The following PREX2 variants were observed in gnomAD, a reference collection of about 807,000 sequenced individuals.
The protein encoded by PREX2 is phosphatidylinositol 3,4,5-trisphosphate-dependent Rac exchanger 2 protein.
A neutral mutation model predicts 203.2 loss-of-function variants in PREX2; 107 were observed. The observed-to-expected ratio is 0.53, with a 90% CI of 0.45 to 0.62. The LOEUF is 0.62. Ranked by LOEUF, PREX2 falls within the 20% of genes least tolerant of loss-of-function variation. The pLI, the probability that PREX2 is intolerant of heterozygous loss-of-function variation, is 0.00. For synonymous variants in PREX2, 672 were observed against 663.6 expected (o/e 1.01, Z -0.19); for missense variants, 1,777 against 1,955.9 (o/e 0.91, Z 1.72).
chr8:68,134,466 C>T (rs920599362), intron 32 of PREX2, among the ~76,000 whole-genome samples, 190 bp downstream of exon 32: 1 of 152,152 alleles, frequency 6.6e-6, no homozygotes, highest in African/African-American at 2.4e-5. Context: ...TGTATTCCTT[C>T]TTTCCTGATT....
In PREX2 at chr8:68,227,327, G is replaced by A. The variant is rs568986246; in HGVS notation, c.4775+2701G>A. Among the ~76,000 whole-genome samples the A allele has an allele frequency of 4.6e-5, 7 of 152,292 alleles. No individual in the cohort carries two copies. In the South Asian group the frequency reaches 1.2e-3, roughly 27 times the overall value. On this transcript the variant is annotated intron_variant, in intron 39 of 39. Coordinates refer to ENST00000288368, the MANE Select transcript of PREX2 (RefSeq NM_024870.4). ...AGTTTAGGGAAAAGGAAGATTCTAG[G>A]ATGACCACCAAATCTTTGGCTTGGA... is the stretch of plus-strand genomic sequence containing the variant.
intron 35 of PREX2, among the ~76,000 whole-genome samples, chr8:68,187,605 A>G (rs935281584): frequency 1.3e-5 from 2 of 152,198 alleles, no homozygotes; most frequent in African/African-American, 2.4e-5. Context: ...CAGGCTAAAT[A>G]ATTTGACTGT....
intron 35 of PREX2, among the ~76,000 whole-genome samples, chr8:68,190,627 A>T (rs1424341323): frequency 6.6e-6 from 1 of 152,066 alleles, no homozygotes; most frequent in Non-Finnish European, 1.5e-5. Flanking sequence ...ATGAGGGTTG[A>T]AAACTTACCT....
At chr8:68,136,586 G>C (rs1313566446) in intron 32 of PREX2, among the ~76,000 whole-genome samples, 1 of 152,152 alleles carries the variant, frequency 6.6e-6, no homozygotes, top group Non-Finnish European at 1.5e-5. Flanking sequence ...GTGAATTTCT[G>C]TCTACCGGAA....
Position 68,109,279 on chromosome 8 carries a change from C to T in PREX2, c.2939-137C>T, listed in dbSNP as rs140152473. On this transcript the variant is annotated intron_variant, in intron 24 of 39. Transcript: ENST00000288368. ...TTAGTCATTGCATAATGCATATATA[C>T]GTCAAAACATCAGGTTGTACATGTA... 169 of 637,554 alleles carry T rather than the reference C, an allele frequency of 2.7e-4. 1 individual carries two copies. Among genetic ancestry groups the T allele is most frequent in the East Asian group, 2.3e-3 (83 of 36,350 alleles). The allele number at this position is 637,554 out of a possible 1,614,324, so 39.5% of individuals were successfully genotyped here.
intron 15 of PREX2, among the ~76,000 whole-genome samples, chr8:68,079,175 A>G (rs1047619387): frequency 6.6e-6 from 1 of 152,140 alleles, no homozygotes; most frequent in Admixed American, 6.5e-5. Context: ...TAAAATAGTA[A>G]CAATAAAATA....
intron 34 of PREX2, among the ~76,000 whole-genome samples, chr8:68,150,644 C>G (rs545756690): frequency 2.9e-4 from 44 of 152,168 alleles, no homozygotes; most frequent in Non-Finnish European, 5.6e-4. Flanking sequence ...GGTGGAGCAG[C>G]TTTGCCAAGG....
At chr8:67,955,170 A>AAAAAAAAAAT (rs1554556251) in intron 1 of PREX2, among the ~76,000 whole-genome samples, 1 of 139,410 alleles carries the variant, frequency 7.2e-6, no homozygotes, top group African/African-American at 2.7e-5. Flanking sequence ...AAAAAAAAAA[A>AAAAAAAAAAT]AGAAATCATA....
chr8:68,060,758 G>A lies in PREX2; in HGVS notation c.1318G>A (p.Glu440Lys). Reference sequence around the variant, plus strand: ...CGTGCACTTGGGACAAGCATTATTAGAAAATGGAATCATTCACCATGGTAA... The same window carrying A: ...CGTGCACTTGGGACAAGCATTATTAAAAAATGGAATCATTCACCATGGTAA... ...EGVHLGQALL[E>K]NGIIHHVTDK... The change falls in exon 11 of 40, where the codon GAA becomes AAA. Residue 440 changes from glutamate to lysine, a missense_variant. By Grantham distance (56) the Glu-to-Lys change is moderately conservative (BLOSUM62 1). Coordinates refer to ENST00000288368, the MANE Select transcript of PREX2 (RefSeq NM_024870.4). 1 of 1,607,592 alleles carries A rather than the reference G, an allele frequency of 6.2e-7. No homozygotes were observed.
intron 35 of PREX2, among the ~76,000 whole-genome samples, chr8:68,169,823 T>A (rs1482702715): frequency 6.6e-6 from 1 of 152,152 alleles, no homozygotes; most frequent in Non-Finnish European, 1.5e-5. Flanking sequence ...CTGATTCCGT[T>A]CCATCAGGTA....
intron 1 of PREX2, among the ~76,000 whole-genome samples, chr8:68,008,466 A>G (rs1331547906): frequency 2.0e-5 from 3 of 152,186 alleles, no homozygotes; most frequent in African/African-American, 7.2e-5. Flanking sequence ...TGAGTCAGAA[A>G]GGGCCATAGG....
rs551400465 is a variant in PREX2, at chr8:68,190,381, G to A, written c.4347-1341G>A. On this transcript the variant is annotated intron_variant, in intron 35 of 39. Coordinates refer to ENST00000288368, the MANE Select transcript of PREX2 (RefSeq NM_024870.4). ...GCCATTGAACTGTATGCTTGAGAAT[G>A]CTCAAAACGGCATAATATGCAGCTG... 7.9e-4 allele frequency among the ~76,000 whole-genome samples: 120 copies of A among 152,152 alleles called. 2 individuals carry two copies. The highest frequency in any genetic ancestry group is 2.8e-3 in the African/African-American group (115 of 41,518).
intron 1 of PREX2, among the ~76,000 whole-genome samples, chr8:67,968,487 A>G (rs1015219127): frequency 1.3e-5 from 2 of 152,218 alleles, no homozygotes; most frequent in African/African-American, 2.4e-5. Context: ...CAACTTCAGA[A>G]TAGGAATGGG....
chr8:68,057,068 C>G (rs1170212732), intron 10 of PREX2, among the ~76,000 whole-genome samples: 2 of 152,140 alleles, frequency 1.3e-5, no homozygotes, highest in Non-Finnish European at 2.9e-5. Context: ...ATTGTAATCC[C>G]CACGTGTCAG....
At chr8:68,047,469 TTATATATATATATATATATATATATATA>T (rs3056653) in intron 8 of PREX2, among the ~76,000 whole-genome samples, 1 of 117,632 alleles carries the variant, frequency 8.5e-6, no homozygotes, top group Non-Finnish European at 1.7e-5. Flanking sequence ...ATGGATGAAT[TTATATATATATATATATATATATATATA>T]TATATATATA....
At chr8:68,070,235 G>A (rs1347882931) in intron 13 of PREX2, among the ~76,000 whole-genome samples, 1 of 151,388 alleles carries the variant, frequency 6.6e-6, no homozygotes, top group Non-Finnish European at 1.5e-5. Context: ...ATTATTACTT[G>A]TATATTAACT....
chr8:68,044,379 G>A (rs1346490810), intron 7 of PREX2, 108 bp from the exon 8 acceptor site: 1 of 714,890 alleles, frequency 1.4e-6, no homozygotes, highest in African/African-American at 1.7e-5. Context: ...GTTTGATATT[G>A]TCGATTGAAT....
At chr8:68,121,096 A>G (rs772329212) in intron 30 of PREX2, 47 bp downstream of exon 30, 6 of 1,590,486 alleles carry the variant, frequency 3.8e-6, no homozygotes, top group African/African-American at 2.7e-5. Flanking sequence ...GCAATAATCA[A>G]TTTAAAACCC....
At chr8:68,017,992 C>T in intron 2 of PREX2, 75 bp downstream of exon 2, 2 of 1,023,076 alleles carry the variant, frequency 2.0e-6, no homozygotes, top group East Asian at 2.6e-5. Context: ...CATGGTACTT[C>T]ACAGCCCTTC....
Sources: gnomAD v4.1 joint callset for allele counts (sites outside exome capture counted in the v4.1 genomes callset) on GRCh38, gnomAD v4.1.1 for gene constraint, MANE v1.5 for transcripts, NCBI Gene and HGNC (gene_info 2026-07-23, HGNC 2026-07-21) for gene names.